CCNT2: variants seen among roughly 807,000 people sequenced by gnomAD.
The protein encoded by CCNT2 is cyclin-T2.
In CCNT2, 18 loss-of-function variants were observed where a neutral mutation model predicts 70.0. That is an observed-to-expected ratio of 0.26 (90% CI 0.18 to 0.38). CCNT2 has a LOEUF of 0.38. CCNT2 is among the 10% of genes least tolerant of loss of function. CCNT2 has a pLI of 1.00. For synonymous variants in CCNT2, 334 were observed against 313.3 expected (o/e 1.07, Z -0.70); for missense variants, 734 against 890.2 (o/e 0.82, Z 2.23).
chr2:134,943,172 A>G (rs138359736), intron 5 of CCNT2: 1 of 835,628 alleles, frequency 1.2e-6, no homozygotes, highest in East Asian at 1.2e-4. Flanking sequence ...AGGCCAAGGC[A>G]GGCTGATCGC....
chr2:134,937,681 C>T (rs755239066), intron 3 of CCNT2, among the ~76,000 whole-genome samples: 6 of 151,984 alleles, frequency 3.9e-5, no homozygotes, highest in Admixed American at 1.3e-4. Context: ...TTTGGGAGGC[C>T]GAGGCAGGCG....
chr2:134,936,805 TGTTC>T (rs1394788687), intron 2 of CCNT2, 32 bp from the exon 3 acceptor site: 16 of 1,563,556 alleles, frequency 1.0e-5, no homozygotes, highest in Non-Finnish European at 1.4e-5. Context: ...GAAATGTATT[TGTTC>T]TTAAATGACC....
intron 2 of CCNT2, among the ~76,000 whole-genome samples, chr2:134,928,201 A>G (rs1307927340): frequency 6.6e-6 from 1 of 151,296 alleles, no homozygotes; most frequent in African/African-American, 2.4e-5. Flanking sequence ...ACCTCAGGTA[A>G]TCCACCTGCA....
At chr2:134,953,063 G>A in intron 8 of CCNT2, 167 bp from the exon 9 acceptor site, 1 of 525,510 alleles carries the variant, frequency 1.9e-6, no homozygotes, top group Non-Finnish European at 3.3e-6. Flanking sequence ...AGCCTTTTAT[G>A]CCTCTAAGGC....
At chr2:134,933,207 G>A (rs1307886918) in intron 2 of CCNT2, among the ~76,000 whole-genome samples, 1 of 152,220 alleles carries the variant, frequency 6.6e-6, no homozygotes, top group Non-Finnish European at 1.5e-5. Flanking sequence ...GAGATTTAAT[G>A]TTGAAGAGTA....
At chr2:134,926,509 T>G (rs536177339) in intron 2 of CCNT2, among the ~76,000 whole-genome samples, 36 of 152,330 alleles carry the variant, frequency 2.4e-4, no homozygotes, top group African/African-American at 7.9e-4. Context: ...CAAAAGTTCG[T>G]AGAAGTTAGC....
intron 4 of CCNT2, among the ~76,000 whole-genome samples, 194 bp downstream of exon 4, chr2:134,939,256 A>G (rs1175039857): frequency 5.9e-5 from 9 of 152,156 alleles, no homozygotes; most frequent in African/African-American, 2.2e-4. Flanking sequence ...ATTAAATTGA[A>G]TGGTAAACGT....
At chr2:134,947,128 A>G (rs1682042508) in intron 6 of CCNT2, among the ~76,000 whole-genome samples, 1 of 152,224 alleles carries the variant, frequency 6.6e-6, no homozygotes, top group South Asian at 2.1e-4. Context: ...GGAGAAAGGT[A>G]GTATTTTTGC....
intron 7 of CCNT2, among the ~76,000 whole-genome samples, chr2:134,949,031 T>A (rs1682228868): frequency 1.3e-5 from 2 of 151,916 alleles, no homozygotes; most frequent in South Asian, 4.2e-4. Flanking sequence ...TGTGTTGTTT[T>A]GTTTTTTGAG....
At position 134,918,902 on chromosome 2, in the gene CCNT2, A is replaced by G; in HGVS notation, c.48A>G (p.Glu16=). 3 of 1,613,898 alleles carry G rather than the reference A, an allele frequency of 1.9e-6. No homozygotes were observed. The highest frequency in any genetic ancestry group is 2.5e-6 in the Non-Finnish European group (3 of 1,179,844). ...CTTCTCGCTGGTTCTTTACTCGGGA[A>G]CAGCTGGAGAACACGCCGAGCCGCC... ...GASSRWFFTR[E]QLENTPSRRC... is the part of the protein sequence containing the mutation. Residue 16 remains glutamate (E), a synonymous_variant, in exon 1 of 9, where the codon GAA becomes GAG. Transcript: ENST00000264157.
In CCNT2 at chr2:134,922,373, T is replaced by A. The variant is rs190270085; in HGVS notation, c.240+2482T>A. Among the ~76,000 whole-genome samples, 21 of 152,328 alleles carry A rather than the reference T, an allele frequency of 1.4e-4. 1 individual carries two copies. The highest frequency in any genetic ancestry group is 1.2e-3 in the Admixed American group (18 of 15,302). On this transcript the variant is annotated intron_variant, in intron 2 of 8. Transcript: ENST00000264157. ...GTGACTTAATTGTATTTTCCCACAT[T>A]GACATATTAAAAGTTTTAAAACCCC...
At chr2:134,949,748 T>A (rs1348109519) in intron 7 of CCNT2, among the ~76,000 whole-genome samples, 1 of 148,792 alleles carries the variant, frequency 6.7e-6, no homozygotes, top group East Asian at 2.0e-4. Context: ...ATCTAGGTCA[T>A]TGTTTTAGTT....
Position 134,946,110 on chromosome 2 carries a change from A to G in CCNT2, c.503A>G (p.Asp168Gly). ...KCTQLVRASK[D>G]LAQTSYFMAT... ...TTTTTTTTTCTTACAGCAAGCAAGGATTTGGCACAGACATCCTATTTCATG... is the reference window on the plus strand; with the variant it reads ...TTTTTTTTTCTTACAGCAAGCAAGGGTTTGGCACAGACATCCTATTTCATG... The change falls in exon 6 of 9, where the codon GAT (aspartate) becomes GGT (glycine). Residue 168 changes from aspartate to glycine, a missense_variant. By Grantham distance (94) the Asp-to-Gly change is moderately conservative. Around this residue, in one of 3 missense-constraint regions of CCNT2, gnomAD observed 161 missense variants for 303.8 expected, o/e 0.53. Coordinates refer to ENST00000264157, the MANE Select transcript of CCNT2 (RefSeq NM_058241.3). 6.2e-7 allele frequency: 1 copy of G among 1,609,134 alleles called. No individual in the cohort carries two copies. Among genetic ancestry groups the G allele is most frequent in the Non-Finnish European group, 8.5e-7 (1 of 1,179,200 alleles).
intron 2 of CCNT2, among the ~76,000 whole-genome samples, chr2:134,932,535 C>T (rs1680856427): frequency 6.6e-6 from 1 of 152,184 alleles, no homozygotes; most frequent in African/African-American, 2.4e-5. Flanking sequence ...GGTATCTTAA[C>T]ATCCAGCTTG....
chr2:134,944,690 C>A, intron 5 of CCNT2: 3 of 983,154 alleles, frequency 3.1e-6, no homozygotes, highest in Non-Finnish European at 3.6e-6. Flanking sequence ...GTCTGACTAA[C>A]ATTTCAGGTA....
chr2:134,954,340 AACC>A lies in CCNT2; in HGVS notation c.1891_1893del (p.His631del). The A allele has an allele frequency of 1.2e-6, 2 of 1,614,196 alleles. No individual in the cohort carries two copies. Among genetic ancestry groups the A allele is most frequent in the Non-Finnish European group, 1.7e-6 (2 of 1,180,032 alleles). On this transcript the variant is annotated inframe_deletion, in exon 9 of 9. Coordinates refer to ENST00000264157, the MANE Select transcript of CCNT2 (RefSeq NM_058241.3). ...GCTGCATGTCAATGATGCATCTCACAACCACCACTCCAAAATGAGCAAAAGTTC... is the reference window on the plus strand; with the variant it reads ...GCTGCATGTCAATGATGCATCTCACAACCACTCCAAAATGAGCAAAAGTTC...
In CCNT2 at chr2:134,918,877, C is replaced by T. The variant is rs146432822; in HGVS notation, c.23C>T (p.Ser8Phe). 3.9e-5 allele frequency: 63 copies of T among 1,613,696 alleles called. No individual in the cohort carries two copies. The East Asian group carries it at 4.2e-4, about 11-fold the overall frequency. Residue 8 changes from serine (S) to phenylalanine (F), a missense_variant, in exon 1 of 9, where the codon TCT becomes TTT. This residue lies in a region of CCNT2 where 41 missense variants were observed against 29.5 expected (regional missense o/e 1.39). Transcript: ENST00000264157. Reference sequence around the variant, plus strand: ...GTCATGGCGTCGGGCCGTGGAGCTTCTTCTCGCTGGTTCTTTACTCGGGAA... The same window carrying T: ...GTCATGGCGTCGGGCCGTGGAGCTTTTTCTCGCTGGTTCTTTACTCGGGAA... Reference protein sequence around the residue: MASGRGASSRWFFTREQL... With the variant: MASGRGAFSRWFFTREQL...
rs16855615 is a variant in CCNT2 at position 134,956,586 on chromosome 2, G to A, written c.*1938G>A. The A allele has an allele frequency of 0.019, 2,942 of 152,578 alleles. 220 individuals carry two copies. The East Asian group carries it at 0.29, about 15-fold the overall frequency. 9.5% of individuals were successfully genotyped at this position (152,578 alleles called of 1,614,324 possible). A position where few individuals can be genotyped will look rare whatever the true frequency, so the allele number is the denominator to read the frequency against. On this transcript the variant is annotated 3_prime_UTR_variant, in exon 9 of 9. Transcript: ENST00000264157. The stretch of plus-strand genomic sequence containing the variant: ...GATGAGGGAGGGAAGGGCTTTCTTG[G>A]TAATTTAGATGTGAAACCTCTACAG...
At chr2:134,943,161 G>A (rs1436575695) in intron 5 of CCNT2, 1 of 908,608 alleles carries the variant, frequency 1.1e-6, no homozygotes, top group Non-Finnish European at 1.3e-6. Flanking sequence ...AGCATTTTGG[G>A]AGGCCAAGGC....
Sources: gnomAD v4.1 joint callset for allele counts (sites outside exome capture counted in the v4.1 genomes callset) on GRCh38, gnomAD v4.1.1 for gene constraint, gnomAD v4.1.1 regional missense constraint, MANE v1.5 for transcripts, NCBI Gene and HGNC (gene_info 2026-07-23, HGNC 2026-07-21) for gene names.